Variants in E2F3 observed in about 807,000 individuals in gnomAD.
E2F3 encodes transcription factor E2F3.
E2F3 carries 11 observed loss-of-function variants against 44.4 expected under a neutral mutation model. The ratio of observed to expected loss-of-function variants is 0.25; its 90% confidence interval spans 0.16 to 0.41. E2F3 has a LOEUF of 0.41. Among genes scored for constraint, E2F3 ranks in the 10% least tolerant of loss-of-function variants. The pLI is 1.00. For synonymous variants in E2F3, 249 were observed against 253.0 expected, an observed-to-expected ratio of 0.98 and a Z score of 0.15; for missense variants, 487 against 583.6, an observed-to-expected ratio of 0.83 and a Z score of 1.70.
At chr6:20,406,497 G>T (rs1168850060) in intron 1 of E2F3, among the ~76,000 whole-genome samples, 5 of 152,310 alleles carry the variant, frequency 3.3e-5, no homozygotes, top group Non-Finnish European at 1.5e-5. Context: ...TATATGAAGA[G>T]AACTGTTAAA....
intron 1 of E2F3, among the ~76,000 whole-genome samples, chr6:20,427,260 C>G (rs6927711): frequency 0.85 from 129,266 of 152,240 alleles, 55,687 homozygotes; most frequent in East Asian, 0.93. Context: ...CCTTCTTACC[C>G]TAATGAGGCT....
At chr6:20,468,402 C>T (rs1434317553) in intron 1 of E2F3, among the ~76,000 whole-genome samples, 4 of 152,172 alleles carry the variant, frequency 2.6e-5, no homozygotes, top group East Asian at 1.9e-4. Context: ...TTATTATAAA[C>T]GATATCACAG....
At chr6:20,468,672 A>T (rs1413255127) in intron 1 of E2F3, among the ~76,000 whole-genome samples, 1 of 152,104 alleles carries the variant, frequency 6.6e-6, no homozygotes, top group Non-Finnish European at 1.5e-5. Flanking sequence ...GAAAGTTCTG[A>T]CCCTCTGATC....
At chr6:20,408,559 C>G (rs1002922969) in intron 1 of E2F3, among the ~76,000 whole-genome samples, 1 of 152,212 alleles carries the variant, frequency 6.6e-6, no homozygotes, top group African/African-American at 2.4e-5. Flanking sequence ...CCCTCAAATA[C>G]TCTCCTATCC....
intron 1 of E2F3, among the ~76,000 whole-genome samples, chr6:20,435,744 C>T (rs544098267): frequency 2.6e-5 from 4 of 151,942 alleles, no homozygotes; most frequent in South Asian, 4.2e-4. Flanking sequence ...AGGGAGACTC[C>T]GTCTCAAAAA....
intron 1 of E2F3, among the ~76,000 whole-genome samples, chr6:20,432,593 T>A (rs2127593610): frequency 1.3e-5 from 2 of 152,324 alleles, no homozygotes; most frequent in South Asian, 4.1e-4. Context: ...CAGCTGGGGT[T>A]GAATTAGATG....
At chr6:20,444,694 C>A (rs7776034) in intron 1 of E2F3, among the ~76,000 whole-genome samples, 5,011 of 152,210 alleles carry the variant, frequency 0.033, 272 homozygotes, top group African/African-American at 0.11. Context: ...AAGCAAGATC[C>A]TTGGAAATGA....
chr6:20,402,311 G>A lies in E2F3; in HGVS notation c.79G>A (p.Ala27Thr), dbSNP rs754800534. 2.5e-6 allele frequency: 4 copies of A among 1,608,152 alleles called. No homozygotes were observed. Among genetic ancestry groups the A allele is most frequent in the East Asian group, 4.5e-5 (2 of 44,638 alleles). ...TGGGGAGGGGGCGGCTGTCGTCGCC[G>A]CCGCCGCTGCAGCCTCCATGGACAA... ...GGGEGAAVVA[A>T]AAAASMDKRA... The change falls in exon 1 of 7, where the codon GCC becomes ACC. Residue 27 changes from alanine (A) to threonine (T), a missense_variant. Around this residue, in one of 3 missense-constraint regions of E2F3, gnomAD observed 238 missense variants for 236.0 expected, o/e 1.01. Coordinates refer to ENST00000346618, the MANE Select transcript of E2F3 (RefSeq NM_001949.5). This position sits in a 1 kb window ranked among gnomAD's most constrained non-coding sequence, Gnocchi z 5.6.
intron 1 of E2F3, among the ~76,000 whole-genome samples, chr6:20,464,082 C>T (rs1229365472): frequency 6.6e-6 from 1 of 152,140 alleles, no homozygotes; most frequent in Middle Eastern, 3.2e-3. Flanking sequence ...CTTCCATGCC[C>T]TCCCCAGGTG....
At chr6:20,424,210 GGTGTGTGTGTGTGT>G (rs57286350) in intron 1 of E2F3, among the ~76,000 whole-genome samples, 3 of 136,998 alleles carry the variant, frequency 2.2e-5, no homozygotes, top group South Asian at 2.4e-4. Flanking sequence ...TCAGTGGAAG[GGTGTGTGTGTGTGT>G]GTGTGTGTGT....
chr6:20,413,624 G>C (rs1415054806), intron 1 of E2F3, among the ~76,000 whole-genome samples: 1 of 152,198 alleles, frequency 6.6e-6, no homozygotes, highest in Non-Finnish European at 1.5e-5. Flanking sequence ...AGTGGGCTTG[G>C]TGGCTAGACG....
intron 1 of E2F3, among the ~76,000 whole-genome samples, chr6:20,427,271 T>G (rs1760247955): frequency 6.6e-6 from 1 of 152,234 alleles, no homozygotes; most frequent in South Asian, 2.1e-4. Flanking sequence ...TAATGAGGCT[T>G]TGTAACTCAA....
intron 1 of E2F3, among the ~76,000 whole-genome samples, chr6:20,458,473 C>T (rs796240038): frequency 6.6e-6 from 1 of 152,178 alleles, no homozygotes; most frequent in Non-Finnish European, 1.5e-5. Context: ...GACCATTTCT[C>T]CACTTCCTCA....
chr6:20,416,825 A>G (rs369936237), intron 1 of E2F3, among the ~76,000 whole-genome samples: 51 of 152,322 alleles, frequency 3.3e-4, no homozygotes, highest in Middle Eastern at 3.4e-3. Context: ...CAGAGTTTAC[A>G]AAGGATAGTC....
At chr6:20,480,942 T>G (rs901294758) in intron 2 of E2F3, among the ~76,000 whole-genome samples, 3 of 152,230 alleles carry the variant, frequency 2.0e-5, no homozygotes, top group Non-Finnish European at 4.4e-5. Context: ...CAGGGAATGG[T>G]GTAAGTCAAG....
chr6:20,488,436 C>T (rs1762461003), intron 6 of E2F3, among the ~76,000 whole-genome samples, 188 bp downstream of exon 6: 3 of 152,208 alleles, frequency 2.0e-5, no homozygotes, highest in Admixed American at 1.3e-4. Flanking sequence ...CTCCTTCACC[C>T]ACTTATGGAG....
chr6:20,424,377 G>A (rs1398290283), intron 1 of E2F3, among the ~76,000 whole-genome samples: 3 of 46,968 alleles, frequency 6.4e-5, no homozygotes, highest in Non-Finnish European at 7.6e-5. Context: ...CAGAGAGAGT[G>A]TGTGTATGTG....
rs573514551 is a variant in E2F3, at chr6:20,467,209, A to G, written c.394-12637A>G. On this transcript the variant is annotated intron_variant, in intron 1 of 6. Transcript: ENST00000346618. The stretch of plus-strand genomic sequence containing the variant: ...CAACAAGGTTAAATGGGGCATCCAC[A>G]TTAAAGGGGCGCCCCTAATCGCATC... Among the ~76,000 whole-genome samples, 21 of 152,314 alleles carry G rather than the reference A, an allele frequency of 1.4e-4. No individual in the cohort carries two copies. In the East Asian group the frequency reaches 3.9e-3, roughly 28 times the overall value.
Position 20,482,912 on chromosome 6 carries a change from G to T in E2F3, c.876G>T (p.Glu292Asp), listed in dbSNP as rs771475477. The change falls in exon 4 of 7, where the codon GAG becomes GAT. Residue 292 changes from glutamate to aspartate, a missense_variant. Around this residue, in one of 3 missense-constraint regions of E2F3, gnomAD observed 220 missense variants for 261.7 expected, o/e 0.84. Transcript: ENST00000346618. ...LDLKLLTEDS[E>D]NQRLAYVTYQ... Reference sequence around the variant, plus strand: ...TCAAACTGTTAACCGAGGATTCAGAGAATCAAAGATATCCTTTGTGCCGCC... The same window carrying T: ...TCAAACTGTTAACCGAGGATTCAGATAATCAAAGATATCCTTTGTGCCGCC... 7 of 1,613,592 alleles carry T rather than the reference G, an allele frequency of 4.3e-6. No individual in the cohort carries two copies. The East Asian group carries it at 1.3e-4, about 31-fold the overall frequency.
Sources: gnomAD v4.1 joint callset for allele counts (sites outside exome capture counted in the v4.1 genomes callset) on GRCh38, gnomAD v4.1.1 for gene constraint, gnomAD v4.1.1 regional missense constraint, Gnocchi (gnomAD v3.1) non-coding constraint, MANE v1.5 for transcripts, NCBI Gene and HGNC (gene_info 2026-07-23, HGNC 2026-07-21) for gene names.